The following COL21A1 variants were observed in gnomAD, a reference collection of about 807,000 sequenced individuals.
COL21A1 encodes the protein collagen alpha-1(XXI) chain.
Under a neutral mutation model 137.9 loss-of-function variants are expected in COL21A1, and 149 were observed. The ratio of observed to expected loss-of-function variants is 1.08; its 90% CI spans 0.95 to 1.24. The LOEUF is 1.24. COL21A1 is among the 50% of genes most tolerant of loss of function. The pLI is 0.00. For synonymous variants in COL21A1, 456 were observed against 391.5 expected (o/e 1.16, Z -1.95); for missense variants, 1,167 against 1,158.4 (o/e 1.01, Z -0.11).
chr6:56,059,104 A>G (rs1765569591), intron 29 of COL21A1, 61 bp downstream of exon 29: 5 of 1,256,210 alleles, frequency 4.0e-6, no homozygotes, highest in Admixed American at 1.8e-5. Flanking sequence ...ACATAGATCT[A>G]TGATGACTTT....
At chr6:56,249,734 G>A (rs182411059), upstream of COL21A1, among the ~76,000 whole-genome samples, 12 of 152,334 alleles carry the variant, frequency 7.9e-5, no homozygotes, top group African/African-American at 2.9e-4. Context: ...AGGAAGAAAT[G>A]GGAGTGAGTG....
intron 1 of COL21A1, among the ~76,000 whole-genome samples, chr6:56,260,689 A>AAGGCAGGC (rs1299399802): frequency 1.1e-4 from 11 of 104,746 alleles, no homozygotes; most frequent in African/African-American, 4.9e-4. Context: ...GGAAGGAAGG[A>AAGGCAGGC]AGGCAGGCAG....
At chr6:56,065,450 G>A (rs535710801) in intron 23 of COL21A1, among the ~76,000 whole-genome samples, 7 of 152,168 alleles carry the variant, frequency 4.6e-5, no homozygotes, top group Admixed American at 2.6e-4. Context: ...TGTGTGGTAA[G>A]AGAGATAAGC....
At position 56,074,216 on chromosome 6, in the gene COL21A1, A is replaced by G; in HGVS notation, c.1965+16T>C. Reference sequence around the variant, plus strand: ...TTATACAAAGTTCCCAGTCTTGTTTATTTTATCATATTTACCTTAGATCCC... The same window carrying G: ...TTATACAAAGTTCCCAGTCTTGTTTGTTTTATCATATTTACCTTAGATCCC... On this transcript the variant is annotated intron_variant, in intron 20 of 29. Transcript: ENST00000244728. 1 of 1,562,144 alleles carries G rather than the reference A, an allele frequency of 6.4e-7. No individual in the cohort carries two copies. Among genetic ancestry groups the G allele is most frequent in the East Asian group, 2.4e-5 (1 of 42,248 alleles).
intron 1 of COL21A1, among the ~76,000 whole-genome samples, chr6:56,302,743 A>G (rs1439628148): frequency 6.6e-6 from 1 of 150,436 alleles, no homozygotes; most frequent in South Asian, 2.1e-4. Flanking sequence ...ATTAGATCCC[A>G]TTTGTCAATT....
intron 1 of COL21A1, among the ~76,000 whole-genome samples, chr6:56,363,373 T>C (rs969957586): frequency 6.6e-6 from 1 of 152,224 alleles, no homozygotes; most frequent in African/African-American, 2.4e-5. Context: ...TTTCATATCT[T>C]CATTTTTCTG....
intron 1 of COL21A1, among the ~76,000 whole-genome samples, chr6:56,296,989 G>T (rs1292110583): frequency 6.6e-6 from 1 of 151,892 alleles, no homozygotes; most frequent in Non-Finnish European, 1.5e-5. Context: ...CTGTCTGAAG[G>T]CCCTTCAACT....
At chr6:56,157,719 T>A (rs763738070) in intron 9 of COL21A1, among the ~76,000 whole-genome samples, 1 of 152,238 alleles carries the variant, frequency 6.6e-6, no homozygotes, top group Non-Finnish European at 1.5e-5. Context: ...TCATGTAGAA[T>A]TCAAGTTTAA....
chr6:56,147,135 C>A (rs115463551), intron 10 of COL21A1, among the ~76,000 whole-genome samples: 158 of 152,242 alleles, frequency 1.0e-3, no homozygotes, highest in African/African-American at 3.7e-3. Context: ...TCTAAGGTAA[C>A]TTAAACCATC....
rs928934838 is a variant in COL21A1, at chr6:56,360,549, G to T, written c.-39+33422C>A. On this transcript the variant is annotated intron_variant, in intron 1 of 28. Transcript: ENST00000370819. ...TAATGCAATAGCAACAGGTAAAAAC[G>T]TTTTTGCAAAAAGTTGCCAGCATGA... 2.0e-5 allele frequency among the ~76,000 whole-genome samples: 3 copies of T among 152,118 alleles called. 1 individual carries two copies. Among genetic ancestry groups the T allele is most frequent in the Admixed American group, 2.0e-4 (3 of 15,260 alleles).
chr6:56,217,939 GGGGATGGCAA>G (rs1780591729), intron 1 of COL21A1, among the ~76,000 whole-genome samples: 1 of 152,116 alleles, frequency 6.6e-6, no homozygotes, highest in Non-Finnish European at 1.5e-5. Context: ...ATATGTAAAA[GGGGATGGCAA>G]GCCAATTCTA....
intron 1 of COL21A1, among the ~76,000 whole-genome samples, chr6:56,299,042 G>A (rs1412884761): frequency 6.6e-6 from 1 of 152,094 alleles, no homozygotes; most frequent in Non-Finnish European, 1.5e-5. Context: ...CTCATCTTTT[G>A]TAATGAGAGA....
At chr6:56,387,694 C>T (rs1267413519) in intron 1 of COL21A1, among the ~76,000 whole-genome samples, 4 of 152,046 alleles carry the variant, frequency 2.6e-5, no homozygotes, top group Non-Finnish European at 5.9e-5. Context: ...AAACACAACC[C>T]AAAACAGATT....
Position 56,114,410 on chromosome 6 carries a change from A to G in COL21A1, c.1758+9652T>C, listed in dbSNP as rs140189350. Among the ~76,000 whole-genome samples the G allele has an allele frequency of 3.3e-4, 50 of 152,336 alleles. No individual in the cohort carries two copies. In the East Asian group the frequency reaches 8.5e-3, roughly 26 times the overall value. Reference sequence around the variant, plus strand: ...TTCTAGTTCTTTTAATTGTGATGTTAGGGTGTCAATTTTGGATCTTTCCTG... The same window carrying G: ...TTCTAGTTCTTTTAATTGTGATGTTGGGGTGTCAATTTTGGATCTTTCCTG... On this transcript the variant is annotated intron_variant, in intron 16 of 29. Transcript: ENST00000244728.
At chr6:56,076,412 T>C (rs1767247890) in intron 18 of COL21A1, among the ~76,000 whole-genome samples, 1 of 151,258 alleles carries the variant, frequency 6.6e-6, no homozygotes, top group Admixed American at 6.6e-5. Context: ...TAATAAATAA[T>C]TAACTGCAGA....
rs139454509 is a variant in COL21A1 at position 56,236,477 on chromosome 6, G to A, written c.-39+10910C>T. ...TTGGGATAAACAATACTCATATCAC[G>A]AACAACAATTTGTAGGATACTGCCA... On this transcript the variant is annotated intron_variant, in intron 1 of 29. Transcript: ENST00000244728. Among the ~76,000 whole-genome samples, 567 of 152,028 alleles carry A rather than the reference G, an allele frequency of 3.7e-3. 5 individuals carry two copies. The highest frequency in any genetic ancestry group is 0.012 in the African/African-American group (518 of 41,510).
At chr6:56,306,164 T>C (rs1411808304) in intron 1 of COL21A1, among the ~76,000 whole-genome samples, 1 of 134,078 alleles carries the variant, frequency 7.5e-6, no homozygotes, top group Non-Finnish European at 1.6e-5. Context: ...GCCCTTAACA[T>C]TTTTTCCTTC....
chr6:56,136,625 A>G (rs1451735985), intron 12 of COL21A1, among the ~76,000 whole-genome samples: 1 of 152,068 alleles, frequency 6.6e-6, no homozygotes, highest in Non-Finnish European at 1.5e-5. Flanking sequence ...TCAGGTCAAG[A>G]TTATTTTTGG....
At chr6:56,278,802 C>T (rs1763728631) in intron 1 of COL21A1, among the ~76,000 whole-genome samples, 1 of 152,150 alleles carries the variant, frequency 6.6e-6, no homozygotes, top group Non-Finnish European at 1.5e-5. Flanking sequence ...ATTAAACACC[C>T]CACTAAATAT....
Sources: gnomAD v4.1 joint callset for allele counts (sites outside exome capture counted in the v4.1 genomes callset) on GRCh38, gnomAD v4.1.1 for gene constraint, MANE v1.5 for transcripts, NCBI Gene and HGNC (gene_info 2026-07-23, HGNC 2026-07-21) for gene names.